Variants in SLC5A11 observed in about 807,000 individuals in gnomAD.
SLC5A11 encodes sodium/myo-inositol cotransporter 2.
SLC5A11 carries 48 observed loss-of-function variants against 69.8 expected under a neutral mutation model. The observed-to-expected ratio is 0.69, with a 90% CI of 0.55 to 0.87. The LOEUF is 0.87. Ranked by LOEUF, SLC5A11 falls within the 40% of genes least tolerant of loss-of-function variation. SLC5A11 has a pLI of 0.00. For synonymous variants in SLC5A11, 319 were observed against 342.4 expected (o/e 0.93, Z 0.75); for missense variants, 784 against 866.1 (o/e 0.91, Z 1.19).
chr16:24,869,898 C>T lies in SLC5A11; in HGVS notation c.208-3C>T, dbSNP rs1022056638. 6.2e-7 allele frequency: 1 copy of T among 1,612,398 alleles called. No individual in the cohort carries two copies. The highest frequency in any genetic ancestry group is 1.3e-5 in the African/African-American group (1 of 74,914). On this transcript the variant is annotated splice_polypyrimidine_tract_variant and splice_region_variant and intron_variant, in intron 3 of 15. Transcript: ENST00000347898. ...AAGATCTGACCCGTCCATCTCCCCACAGGTGGGTGCATCCTTGTTTGCCAG... is the reference window on the plus strand; with the variant it reads ...AAGATCTGACCCGTCCATCTCCCCATAGGTGGGTGCATCCTTGTTTGCCAG...
At chr16:24,872,411 C>T (rs1170068169) in intron 5 of SLC5A11, among the ~76,000 whole-genome samples, 192 bp downstream of exon 6, 1 of 152,066 alleles carries the variant, frequency 6.6e-6, no homozygotes, top group East Asian at 1.9e-4. Flanking sequence ...CATAGCACTT[C>T]CTGCCAGTAC....
rs1380229965 is a variant in SLC5A11, at chr16:24,864,089, CAACTT to C, written c.207+1420_207+1424del. ...TTTGGCAAATAATATTCTAGTAAGA[CAACTT>C]AAATAGAAAAGCTGGGAAGTGAGAT... On this transcript the variant is annotated intron_variant, in intron 3 of 15. Transcript: ENST00000347898. 4.6e-5 allele frequency among the ~76,000 whole-genome samples: 7 copies of C among 152,080 alleles called. No individual in the cohort carries two copies. In the East Asian group the frequency reaches 1.3e-3, roughly 29 times the overall value.
In SLC5A11 at chr16:24,872,342, T is replaced by G. The variant is rs151004919; in HGVS notation, c.372+123T>G. 33 of 1,132,254 alleles carry G rather than the reference T, an allele frequency of 2.9e-5. No individual in the cohort carries two copies. In the East Asian group the frequency reaches 7.3e-4, roughly 25 times the overall value. The allele number at this position is 1,132,254 out of a possible 1,614,324, so 70.1% of individuals were successfully genotyped here. ...CCATGGTCATGTATTCGATTGCCAC[T>G]CAGAGGCCCCAGTAAAGGGGAGGGA... On this transcript the variant is annotated intron_variant, in intron 5 of 15. Transcript: ENST00000347898.
intron 10 of SLC5A11, among the ~76,000 whole-genome samples, chr16:24,899,557 C>T (rs2049430029): frequency 6.6e-6 from 1 of 152,110 alleles, no homozygotes; most frequent in Non-Finnish European, 1.5e-5. Context: ...GCATGCACCA[C>T]CATGCCCGGC....
At chr16:24,897,386 G>A (rs979835894) in intron 9 of SLC5A11, among the ~76,000 whole-genome samples, 4 of 152,024 alleles carry the variant, frequency 2.6e-5, no homozygotes, top group Non-Finnish European at 5.9e-5. Flanking sequence ...TTGGCAAGGC[G>A]TAACCCCTGG....
chr16:24,862,455 A>C, intron 2 of SLC5A11, 146 bp from the exon 4 acceptor site: 2 of 553,172 alleles, frequency 3.6e-6, no homozygotes, highest in Non-Finnish European at 6.4e-6. Flanking sequence ...ATTTTATCCA[A>C]AACTCTGGGA....
At chr16:24,863,420 G>T (rs1336249043) in intron 3 of SLC5A11, among the ~76,000 whole-genome samples, 2 of 151,900 alleles carry the variant, frequency 1.3e-5, no homozygotes, top group Admixed American at 1.3e-4. Flanking sequence ...TTTTGTTTTT[G>T]TTTTAACCAG....
chr16:24,870,108 T>A, intron 4 of SLC5A11, 103 bp downstream of exon 5: 1 of 827,176 alleles, frequency 1.2e-6, no homozygotes, highest in Non-Finnish European at 2.0e-6. Context: ...AATAGAATGG[T>A]GGGGCCAGGC....
At chr16:24,876,975 A>G in intron 6 of SLC5A11, 2 of 779,106 alleles carry the variant, frequency 2.6e-6, no homozygotes, top group Non-Finnish European at 1.7e-6. Flanking sequence ...TGTGATCATT[A>G]TGGTATTTAA....
chr16:24,881,962 G>A (rs1220901838), intron 7 of SLC5A11, among the ~76,000 whole-genome samples: 3 of 152,196 alleles, frequency 2.0e-5, no homozygotes, highest in African/African-American at 7.2e-5. Flanking sequence ...ACAGAAAATT[G>A]ACAAAATCTA....
chr16:24,903,896 G>A (rs1231167292), intron 10 of SLC5A11, among the ~76,000 whole-genome samples: 1 of 152,168 alleles, frequency 6.6e-6, no homozygotes, highest in Non-Finnish European at 1.5e-5. Context: ...ACACTGCTAT[G>A]AAGATATTAC....
At chr16:24,873,247 G>GGAAGGAAGGA (rs2047435539) in intron 5 of SLC5A11, among the ~76,000 whole-genome samples, 3 of 101,412 alleles carry the variant, frequency 3.0e-5, no homozygotes, top group Non-Finnish European at 3.9e-5. Context: ...GAGAGGGAGG[G>GGAAGGAAGGA]AGGAAGGAAG....
At chr16:24,899,624 G>C (rs1231754138) in intron 10 of SLC5A11, among the ~76,000 whole-genome samples, 1 of 151,950 alleles carries the variant, frequency 6.6e-6, no homozygotes, top group African/African-American at 2.4e-5. Context: ...GGATGGTCTC[G>C]ATCTCTTGAC....
intron 3 of SLC5A11, 31 bp downstream of exon 4, chr16:24,862,703 T>C (rs919625392): frequency 6.3e-7 from 1 of 1,593,530 alleles, no homozygotes; most frequent in Admixed American, 1.7e-5. Context: ...TTAAAGTCAC[T>C]TCTTAAAGAA....
intron 5 of SLC5A11, among the ~76,000 whole-genome samples, chr16:24,873,569 G>T (rs1054158544): frequency 4.6e-5 from 7 of 151,732 alleles, no homozygotes; most frequent in African/African-American, 1.7e-4. Flanking sequence ...CTGAGGAGGA[G>T]GATTGATTGC....
rs377719942 is a variant in SLC5A11 at position 24,911,482 on chromosome 16, C to T, written c.1977C>T (p.Asn659=). ...TGGTGAAGACCCTCCTGGACGTCAA[C>T]CTCATTTTCTGCGTGAGCTGCGCCA... The change falls in exon 16 of 16, where the codon AAC becomes AAT. Residue 659 remains asparagine, a synonymous_variant. Coordinates refer to ENST00000347898, the Ensembl canonical transcript of SLC5A11. The T allele has an allele frequency of 1.4e-5, 23 of 1,614,004 alleles. No homozygotes were observed. In the Middle Eastern group the frequency reaches 6.6e-4, roughly 46 times the overall value.
At chr16:24,883,932 A>G in intron 7 of SLC5A11, 119 bp from the exon 9 acceptor site, 2 of 835,434 alleles carry the variant, frequency 2.4e-6, no homozygotes, top group South Asian at 1.7e-5. Flanking sequence ...CCATCTTTGC[A>G]ATCAGTCAGC....
intron 1 of SLC5A11, 133 bp downstream of exon 2, chr16:24,846,571 G>C (rs1250895612): frequency 6.6e-6 from 1 of 152,404 alleles, no homozygotes; most frequent in African/African-American, 2.4e-5. Flanking sequence ...TGCAGAGAAA[G>C]CTTGTCATAC....
chr16:24,894,754 C>T (rs541184047), intron 9 of SLC5A11, among the ~76,000 whole-genome samples: 15 of 151,566 alleles, frequency 9.9e-5, no homozygotes, highest in Non-Finnish European at 1.8e-4. Context: ...GAACCCGGAT[C>T]GCGCCACTGC....
Sources: gnomAD v4.1 joint callset for allele counts (sites outside exome capture counted in the v4.1 genomes callset) on GRCh38, gnomAD v4.1.1 for gene constraint, MANE v1.5 for transcripts, NCBI Gene and HGNC (gene_info 2026-07-23, HGNC 2026-07-21) for gene names.